ABLIM2: variants seen among roughly 807,000 people sequenced by gnomAD.
ABLIM2 encodes the protein actin-binding LIM protein 2.
Under a neutral mutation model 97.7 loss-of-function variants are expected in ABLIM2, and 53 were observed. That is an observed-to-expected ratio of 0.54 (90% confidence interval 0.44 to 0.68). The LOEUF (loss-of-function observed/expected upper bound fraction) is 0.68, where lower values mean the gene tolerates loss of function less well. Among genes scored for constraint, ABLIM2 ranks in the 30% least tolerant of loss-of-function variants. The probability of loss-of-function intolerance (pLI) is 0.00; values close to 1 mark genes in which losing one functional copy is unlikely to be tolerated. For synonymous variants in ABLIM2, 361 were observed against 345.8 expected, an observed-to-expected ratio of 1.04 and a Z score of -0.49; for missense variants, 835 against 867.2, an observed-to-expected ratio of 0.96 and a Z score of 0.47.
intron 8 of ABLIM2, among the ~76,000 whole-genome samples, chr4:8,047,860 G>C (rs755331710): frequency 7.9e-5 from 12 of 152,242 alleles, no homozygotes; most frequent in Non-Finnish European, 1.6e-4. Flanking sequence ...GTGGGCTCAG[G>C]AGATGACCTT....
At chr4:8,028,520 C>T (rs748593192) in intron 11 of ABLIM2, among the ~76,000 whole-genome samples, 1 of 152,182 alleles carries the variant, frequency 6.6e-6, no homozygotes, top group African/African-American at 2.4e-5. Flanking sequence ...CTCATTTACT[C>T]GCTGACTCAT....
intron 12 of ABLIM2, among the ~76,000 whole-genome samples, chr4:8,024,094 CG>C (rs1347472416): frequency 6.6e-6 from 1 of 152,196 alleles, no homozygotes; most frequent in Non-Finnish European, 1.5e-5. Flanking sequence ...GATGAAGAGG[CG>C]CTGCCGGGGT....
intron 6 of ABLIM2, chr4:8,066,653 G>A (rs1807998282): frequency 6.6e-6 from 1 of 152,204 alleles, no homozygotes; most frequent in Non-Finnish European, 1.5e-5. Flanking sequence ...CAGACGCAAA[G>A]CCACGGGGTA....
intron 5 of ABLIM2, among the ~76,000 whole-genome samples, chr4:8,080,002 G>A (rs1293951596): frequency 6.6e-6 from 1 of 152,170 alleles, no homozygotes; most frequent in Non-Finnish European, 1.5e-5. Flanking sequence ...AGGCTTGCCT[G>A]CCTCAGGTCC....
Position 8,108,891 on chromosome 4 carries a change from T to G in ABLIM2, c.11-2254A>C, listed in dbSNP as rs62289386. On this transcript the variant is annotated intron_variant, in intron 1 of 20. Coordinates refer to ENST00000447017, the MANE Select transcript of ABLIM2 (RefSeq NM_001130083.2). ...CCCCCTGTCTTGGTCTGGGTTCCCA[T>G]GAAGCCGGCCTTGAGACCAGGCTGT... Among the ~76,000 whole-genome samples, 4 of 152,310 alleles carry G rather than the reference T, an allele frequency of 2.6e-5. No homozygotes were observed. The South Asian group carries it at 8.3e-4, about 32-fold the overall frequency.
intron 3 of ABLIM2, among the ~76,000 whole-genome samples, chr4:8,090,022 C>T (rs1429928410): frequency 2.6e-5 from 4 of 152,204 alleles, no homozygotes; most frequent in East Asian, 1.9e-4. Flanking sequence ...CATCCAGTAC[C>T]CTCGGTCCAT....
intron 1 of ABLIM2, among the ~76,000 whole-genome samples, chr4:8,146,152 T>C (rs531954590): frequency 1.3e-5 from 2 of 152,368 alleles, no homozygotes; most frequent in African/African-American, 4.8e-5. Context: ...ACTTTATTCA[T>C]GCTTCATAAT....
Position 8,071,686 on chromosome 4 carries a change from C to T in ABLIM2, c.675+5942G>A, listed in dbSNP as rs1168583120. 2 of 966,116 alleles carry T rather than the reference C, an allele frequency of 2.1e-6. No homozygotes were observed. The highest frequency in any genetic ancestry group is 2.5e-6 in the Non-Finnish European group (2 of 812,038). 59.8% of individuals were successfully genotyped at this position (966,116 alleles called of 1,614,324 possible). Reference sequence around the variant, plus strand: ...AGGTCTCACACCTGACTGCTCTGTCCCCAAAAACCCACCCACCCGCAGCCC... The same window carrying T: ...AGGTCTCACACCTGACTGCTCTGTCTCCAAAAACCCACCCACCCGCAGCCC... On this transcript the variant is annotated intron_variant, in intron 6 of 20. Coordinates refer to ENST00000447017, the MANE Select transcript of ABLIM2 (RefSeq NM_001130083.2). This position sits in a 1 kb window ranked among gnomAD's most constrained non-coding sequence, Gnocchi z 6.2.
chr4:8,009,737 G>A (rs747128414), intron 14 of ABLIM2, among the ~76,000 whole-genome samples: 2 of 152,180 alleles, frequency 1.3e-5, no homozygotes, highest in Non-Finnish European at 2.9e-5. Context: ...AACCTCCCAC[G>A]TAACACAAGG....
intron 6 of ABLIM2, among the ~76,000 whole-genome samples, chr4:8,073,242 G>A (rs1012424233): frequency 3.3e-5 from 5 of 151,476 alleles, no homozygotes; most frequent in Non-Finnish European, 7.4e-5. Context: ...GGAAGCAGCA[G>A]GGCAAGGGAG....
At chr4:8,107,088 C>T (rs187784425) in intron 1 of ABLIM2, among the ~76,000 whole-genome samples, 2 of 152,258 alleles carry the variant, frequency 1.3e-5, no homozygotes, top group Admixed American at 6.5e-5. Flanking sequence ...AACATCCTCT[C>T]TTCTGCCAGT....
In ABLIM2 at chr4:8,005,548, C is replaced by A; in HGVS notation, c.1618+2511G>T. On this transcript the variant is annotated intron_variant, in intron 16 of 20. Transcript: ENST00000447017. The surrounding 1 kb of genome is among the most constrained non-coding windows in gnomAD (Gnocchi z 4.9). ...GGCTACTTGGTGACAATCAAAAGAA[C>A]CCCGAGAGAAAAAAAAGGGTGGCTC... 4 of 489,988 alleles carry A rather than the reference C, an allele frequency of 8.2e-6. No individual in the cohort carries two copies. Among genetic ancestry groups the A allele is most frequent in the Admixed American group, 2.1e-5 (1 of 48,516 alleles). The allele number at this position is 489,988 out of a possible 1,614,324, so 30.4% of individuals were successfully genotyped here. A position where few individuals can be genotyped will look rare whatever the true frequency, so the allele number is the denominator to read the frequency against.
chr4:8,100,093 T>TG (rs1004113198), intron 2 of ABLIM2, among the ~76,000 whole-genome samples: 1 of 152,116 alleles, frequency 6.6e-6, no homozygotes, highest in Non-Finnish European at 1.5e-5. Flanking sequence ...GGGTGGCGGC[T>TG]GGGGGGAAAA....
rs2152341688 is a variant in ABLIM2, at chr4:8,072,371, T to C, written c.675+5257A>G. Among the ~76,000 whole-genome samples the C allele has an allele frequency of 6.6e-6, 1 of 152,324 alleles. No individual in the cohort carries two copies. Among genetic ancestry groups the C allele is most frequent in the South Asian group, 2.1e-4 (1 of 4,828 alleles). ...TTGCTCGCCCAGTGCGGAGCGTGCC[T>C]GAGGCAGAGCAGCCCCAGTTTGGGT... On this transcript the variant is annotated intron_variant, in intron 6 of 20. Transcript: ENST00000447017. This position sits in a 1 kb window ranked among gnomAD's most constrained non-coding sequence, Gnocchi z 5.8.
intron 7 of ABLIM2, 46 bp downstream of exon 7, chr4:8,060,921 G>A (rs1802578020): frequency 6.8e-7 from 1 of 1,477,634 alleles, no homozygotes; most frequent in Admixed American, 2.0e-5. Context: ...ATCGAAGAGG[G>A]TAGTTCCTTG....
intron 17 of ABLIM2, among the ~76,000 whole-genome samples, chr4:7,985,574 T>C (rs983458092): frequency 6.6e-6 from 1 of 152,148 alleles, no homozygotes; most frequent in African/African-American, 2.4e-5. Flanking sequence ...CCTACCTCCC[T>C]GGAAACCGTG....
rs1812118101 is a variant in ABLIM2 at position 8,071,588 on chromosome 4, C to A, written c.675+6040G>T. Among the ~76,000 whole-genome samples, 1 of 152,054 alleles carries A rather than the reference C, an allele frequency of 6.6e-6. No homozygotes were observed. Among genetic ancestry groups the A allele is most frequent in the East Asian group, 1.9e-4 (1 of 5,174 alleles). ...GCCTGGGATGCTCTGTGCTTGGGTC[C>A]TGCAGAGGGAAGCCAGGGGCACTGC... On this transcript the variant is annotated intron_variant, in intron 6 of 20. Transcript: ENST00000447017. This position sits in a 1 kb window ranked among gnomAD's most constrained non-coding sequence, Gnocchi z 6.2.
At chr4:8,102,223 C>T (rs980092991) in intron 2 of ABLIM2, among the ~76,000 whole-genome samples, 7 of 152,286 alleles carry the variant, frequency 4.6e-5, no homozygotes, top group Non-Finnish European at 8.8e-5. Flanking sequence ...TGCCTGCTTC[C>T]GGGTCTCTGC....
chr4:8,078,168 G>C (rs1245863726), intron 5 of ABLIM2, among the ~76,000 whole-genome samples: 2 of 152,240 alleles, frequency 1.3e-5, no homozygotes, highest in Non-Finnish European at 1.5e-5. Flanking sequence ...CCAGATGAGG[G>C]TGTGGTAGGT....
Sources: gnomAD v4.1 joint callset for allele counts (sites outside exome capture counted in the v4.1 genomes callset) on GRCh38, gnomAD v4.1.1 for gene constraint, Gnocchi (gnomAD v3.1) non-coding constraint, MANE v1.5 for transcripts, NCBI Gene and HGNC (gene_info 2026-07-23, HGNC 2026-07-21) for gene names.